The following MCTP2 variants were observed in gnomAD, a reference collection of about 807,000 sequenced individuals.
The protein encoded by MCTP2 is multiple C2 and transmembrane domain containing 2, also known as multiple C2 and transmembrane domain-containing protein 2.
A neutral mutation model predicts 111.6 loss-of-function variants in MCTP2; 132 were observed. The observed-to-expected ratio is 1.18, with a 90% CI of 1.03 to 1.37. The LOEUF (loss-of-function observed/expected upper bound fraction) is 1.37, where lower values mean the gene tolerates loss of function less well. Ranked by LOEUF, MCTP2 falls within the 40% of genes most tolerant of loss-of-function variation. MCTP2 has a pLI of 0.00. For synonymous variants in MCTP2, 395 were observed against 387.7 expected (o/e 1.02, Z -0.22); for missense variants, 1,183 against 1,067.9 (o/e 1.11, Z -1.50).
In MCTP2 at chr15:94,458,120, G is replaced by T. The variant is rs199649200; in HGVS notation, c.2251-17G>T. The stretch of plus-strand genomic sequence containing the variant: ...AAATGAAGTAACTGAGTTAAATCTT[G>T]CTTTTATGTTTTCTAGGAATCTGAG... On this transcript the variant is annotated splice_polypyrimidine_tract_variant and intron_variant, in intron 19 of 22. Coordinates refer to ENST00000357742, the MANE Select transcript of MCTP2 (RefSeq NM_001385001.1). The T allele has an allele frequency of 2.6e-5, 36 of 1,408,790 alleles. No homozygotes were observed. Among genetic ancestry groups the T allele is most frequent in the Middle Eastern group, 1.8e-4 (1 of 5,676 alleles). The allele number at this position is 1,408,790 out of a possible 1,614,324, so 87.3% of individuals were successfully genotyped here.
intron 14 of MCTP2, among the ~76,000 whole-genome samples, chr15:94,395,720 ATTC>A (rs1176321136): frequency 6.6e-6 from 1 of 152,180 alleles, no homozygotes; most frequent in Non-Finnish European, 1.5e-5. Context: ...TATATTTAAT[ATTC>A]TTTTATATAG....
chr15:94,314,713 C>T (rs749271047), intron 3 of MCTP2: 5 of 472,370 alleles, frequency 1.1e-5, no homozygotes, highest in Admixed American at 4.7e-5. Flanking sequence ...TTTATTTGCC[C>T]TTTTCCCTTT....
intron 1 of MCTP2, among the ~76,000 whole-genome samples, chr15:94,276,073 T>G (rs1344602074): frequency 6.6e-6 from 1 of 152,084 alleles, no homozygotes; most frequent in Non-Finnish European, 1.5e-5. Flanking sequence ...CTTGATCTCC[T>G]GACCTTGTGA....
intron 1 of MCTP2, among the ~76,000 whole-genome samples, chr15:94,291,703 AAAAATGAAAATGAC>A (rs2075041024): frequency 2.0e-5 from 3 of 152,392 alleles, no homozygotes; most frequent in South Asian, 2.1e-4. Context: ...TAAACAGGAA[AAAAATGAAAATGAC>A]ATTTCACATC....
intron 17 of MCTP2, among the ~76,000 whole-genome samples, chr15:94,407,426 A>G (rs1424657438): frequency 1.3e-5 from 2 of 152,230 alleles, no homozygotes; most frequent in Non-Finnish European, 2.9e-5. Context: ...TTGATCTAAA[A>G]AGTAATCTAA....
At chr15:94,374,535 C>A (rs1300112860) in intron 12 of MCTP2, among the ~76,000 whole-genome samples, 1 of 152,162 alleles carries the variant, frequency 6.6e-6, no homozygotes, top group Non-Finnish European at 1.5e-5. Flanking sequence ...GATTCCACAC[C>A]AAATCAGTGA....
In MCTP2 at chr15:94,364,714, C is replaced by T. The variant is rs1019232350; in HGVS notation, c.1302-2891C>T. ...TTATTTGCAATTTGAGGGAAAAAAG[C>T]CTTTCTTGTTAAAAAAAATTCTGTT... On this transcript the variant is annotated intron_variant, in intron 10 of 22. Transcript: ENST00000357742. Among the ~76,000 whole-genome samples, 4 of 152,060 alleles carry T rather than the reference C, an allele frequency of 2.6e-5. No homozygotes were observed. In the East Asian group the frequency reaches 7.7e-4, roughly 29 times the overall value.
At chr15:94,454,783 T>C (rs1425626233) in intron 19 of MCTP2, among the ~76,000 whole-genome samples, 2 of 152,208 alleles carry the variant, frequency 1.3e-5, no homozygotes, top group East Asian at 1.9e-4. Flanking sequence ...TCAAATGTTA[T>C]GTATGATTCA....
At chr15:94,243,008 T>TACACGTGTATATGTGTATCTACACATAC (rs2071129481) in intron 1 of MCTP2, among the ~76,000 whole-genome samples, 1 of 98,536 alleles carries the variant, frequency 1.0e-5, no homozygotes, top group African/African-American at 4.1e-5. Flanking sequence ...TATCTACACA[T>TACACGTGTATATGTGTATCTACACATAC]ACACGTGTAT....
chr15:94,267,981 T>G (rs369288527), intron 1 of MCTP2, among the ~76,000 whole-genome samples: 239 of 148,160 alleles, frequency 1.6e-3, no homozygotes, highest in African/African-American at 5.5e-3. Context: ...TTCTCCTGCC[T>G]CAGCCTCCCG....
chr15:94,345,197 G>T, intron 8 of MCTP2, 33 bp downstream of exon 8: 1 of 1,597,774 alleles, frequency 6.3e-7, no homozygotes, highest in South Asian at 1.1e-5. Flanking sequence ...TAGATCATTT[G>T]GTTAAAAACT....
chr15:94,326,856 A>G (rs2076907837), intron 4 of MCTP2, among the ~76,000 whole-genome samples: 1 of 120,914 alleles, frequency 8.3e-6, no homozygotes, highest in African/African-American at 3.2e-5. Context: ...TGCTGGGATT[A>G]CAGGCATTAG....
chr15:94,397,366 A>G (rs1002519356), intron 14 of MCTP2, among the ~76,000 whole-genome samples: 2 of 152,222 alleles, frequency 1.3e-5, no homozygotes, highest in African/African-American at 4.8e-5. Context: ...TTAAGAAATC[A>G]TGGAAATTTT....
At chr15:94,345,237 A>G in intron 8 of MCTP2, 73 bp downstream of exon 8, 1 of 1,361,094 alleles carries the variant, frequency 7.3e-7, no homozygotes, top group East Asian at 2.4e-5. Flanking sequence ...AAATGACTGC[A>G]TGATAGATAT....
rs766601743 is a variant in MCTP2, at chr15:94,339,380, A to T, written c.728A>T (p.Asp243Val). 8 of 1,612,208 alleles carry T rather than the reference A, an allele frequency of 5.0e-6. No individual in the cohort carries two copies. The highest frequency in any genetic ancestry group is 1.1e-5 in the South Asian group (1 of 90,888). The change falls in exon 5 of 23, where the codon GAT becomes GTT. Residue 243 changes from aspartate (D) to valine (V), a missense_variant. Coordinates refer to ENST00000357742, the MANE Select transcript of MCTP2 (RefSeq NM_001385001.1). ...TATAAGAACTTGAACCCAGTATGGG[A>T]TGAGATAGTTGTATTGCCAATCCAA... ...VIYKNLNPVW[D>V]EIVVLPIQSL...
chr15:94,447,295 T>C (rs959903238), intron 19 of MCTP2, among the ~76,000 whole-genome samples: 1 of 152,218 alleles, frequency 6.6e-6, no homozygotes, highest in African/African-American at 2.4e-5. Context: ...TATAATATCC[T>C]AACCAGAGAA....
intron 5 of MCTP2, among the ~76,000 whole-genome samples, chr15:94,339,969 A>G (rs867125384): frequency 1.6e-4 from 25 of 152,240 alleles, no homozygotes; most frequent in African/African-American, 6.0e-4. Flanking sequence ...TACTGCCTTA[A>G]AAGAAATTGT....
intron 21 of MCTP2, among the ~76,000 whole-genome samples, chr15:94,474,608 C>T (rs1403077475): frequency 6.6e-6 from 1 of 152,110 alleles, no homozygotes; most frequent in Non-Finnish European, 1.5e-5. Context: ...CCTGTAATCC[C>T]AGCACTTTGG....
Position 94,385,423 on chromosome 15 carries a change from T to G in MCTP2, c.1686T>G (p.Phe562Leu). 3 of 1,600,838 alleles carry G rather than the reference T, an allele frequency of 1.9e-6. No homozygotes were observed. Among genetic ancestry groups the G allele is most frequent in the Non-Finnish European group, 1.7e-6 (2 of 1,168,284 alleles). ...LNPEWNKVFT[F>L]PIKDIHDVLE... ...ATAATACATGGTATTTTTGTTACAG[T>G]CCCATTAAAGATATCCATGATGTTT... Residue 562 changes from phenylalanine (F) to leucine (L), a missense_variant and splice_region_variant, in exon 14 of 23, where the codon TTT becomes TTG. Coordinates refer to ENST00000357742, the MANE Select transcript of MCTP2 (RefSeq NM_001385001.1).
Sources: allele counts gnomAD v4.1 joint callset (sites outside exome capture counted in the v4.1 genomes callset), GRCh38; gene constraint gnomAD v4.1.1; transcripts MANE v1.5; gene names NCBI Gene and HGNC (gene_info 2026-07-23, HGNC 2026-07-21).